ADAMTS17: variants seen among roughly 807,000 people sequenced by gnomAD.
ADAMTS17 encodes the protein A disintegrin and metalloproteinase with thrombospondin motifs 17.
In ADAMTS17, 113 loss-of-function variants were observed where a neutral mutation model predicts 141.5. That is an observed-to-expected ratio of 0.80 (90% CI 0.69 to 0.93). ADAMTS17 has a LOEUF of 0.93. ADAMTS17 is among the 40% of genes least tolerant of loss of function. The probability of loss-of-function intolerance (pLI) is 0.00; values close to 1 mark genes in which losing one functional copy is unlikely to be tolerated. For synonymous variants in ADAMTS17, 768 were observed against 630.6 expected (o/e 1.22, Z -3.27); for missense variants, 1,659 against 1,517.9 (o/e 1.09, Z -1.54).
intron 9 of ADAMTS17, 98 bp from the exon 10 acceptor site, chr15:100,152,860 A>T: frequency 2.7e-6 from 4 of 1,477,286 alleles, no homozygotes; most frequent in Admixed American, 2.1e-5. Flanking sequence ...CACTGAGAAG[A>T]GGGCACCTCC....
intron 3 of ADAMTS17, among the ~76,000 whole-genome samples, chr15:100,318,588 G>C (rs1008851565): frequency 2.6e-5 from 4 of 152,206 alleles, no homozygotes; most frequent in Admixed American, 6.5e-5. Flanking sequence ...CTGTAGAACT[G>C]TAAGAAATAA....
chr15:100,215,416 T>C (rs1216352399), intron 7 of ADAMTS17, among the ~76,000 whole-genome samples: 10 of 152,232 alleles, frequency 6.6e-5, no homozygotes, highest in Admixed American at 6.5e-4. Context: ...CCCATTGTCA[T>C]GGCAGAAGGA....
intron 15 of ADAMTS17, among the ~76,000 whole-genome samples, chr15:100,083,174 T>G (rs564412637): frequency 6.6e-6 from 1 of 152,208 alleles, no homozygotes; most frequent in South Asian, 2.1e-4. Flanking sequence ...AGGGCCTGGT[T>G]TGCCATACTC....
At chr15:100,191,176 A>G (rs2040903421) in intron 8 of ADAMTS17, among the ~76,000 whole-genome samples, 1 of 152,242 alleles carries the variant, frequency 6.6e-6, no homozygotes, top group Admixed American at 6.5e-5. Flanking sequence ...CTTGGATGAC[A>G]TTATTTTAGG....
chr15:100,273,611 AATTTTCT>A (rs1416665796), intron 4 of ADAMTS17, among the ~76,000 whole-genome samples: 1 of 152,056 alleles, frequency 6.6e-6, no homozygotes, highest in Non-Finnish European at 1.5e-5. Context: ...AAGGTTTGTC[AATTTTCT>A]TAATCTTTCC....
At chr15:100,011,456 G>GGAAA (rs2061179961) in intron 18 of ADAMTS17, among the ~76,000 whole-genome samples, 1 of 150,494 alleles carries the variant, frequency 6.6e-6, no homozygotes, top group Non-Finnish European at 1.5e-5. Flanking sequence ...AAGGAAGGAA[G>GGAAA]GAAAGGAGAG....
chr15:100,116,376 T>G (rs1468314477), intron 13 of ADAMTS17, among the ~76,000 whole-genome samples: 2 of 152,212 alleles, frequency 1.3e-5, no homozygotes, highest in Non-Finnish European at 2.9e-5. Context: ...AGTTGCAAAC[T>G]ATTCTCAAAA....
chr15:100,167,975 A>T (rs1327739063), intron 8 of ADAMTS17, among the ~76,000 whole-genome samples: 1 of 152,186 alleles, frequency 6.6e-6, no homozygotes, highest in African/African-American at 2.4e-5. Flanking sequence ...CCTGGCAAAA[A>T]AACCCAGATG....
intron 15 of ADAMTS17, among the ~76,000 whole-genome samples, chr15:100,090,471 T>C (rs1373789205): frequency 6.6e-6 from 1 of 152,216 alleles, no homozygotes; most frequent in Non-Finnish European, 1.5e-5. Context: ...GCAAGGTCCC[T>C]GTGCAGCTGA....
chr15:100,185,998 T>A (rs1023942688), intron 8 of ADAMTS17, among the ~76,000 whole-genome samples: 2 of 152,004 alleles, frequency 1.3e-5, no homozygotes, highest in African/African-American at 4.8e-5. Flanking sequence ...ACTCCACACC[T>A]ACGGGACGGT....
At chr15:100,146,422 C>T (rs3962507) in intron 10 of ADAMTS17, among the ~76,000 whole-genome samples, 44,664 of 152,090 alleles carry the variant, frequency 0.29, 7,061 homozygotes, top group African/African-American at 0.4. Flanking sequence ...CACTTATCAC[C>T]TCCCCAATCA....
At chr15:100,134,009 G>A (rs1439471838) in intron 10 of ADAMTS17, among the ~76,000 whole-genome samples, 1 of 152,200 alleles carries the variant, frequency 6.6e-6, no homozygotes, top group African/African-American at 2.4e-5. Flanking sequence ...ACTCCCAACT[G>A]TATCATTAGG....
At chr15:100,104,818 TAC>T (rs1323740131) in intron 14 of ADAMTS17, among the ~76,000 whole-genome samples, 2 of 152,246 alleles carry the variant, frequency 1.3e-5, no homozygotes, top group Non-Finnish European at 2.9e-5. Context: ...TTTCTTGCTA[TAC>T]ACATTCACAA....
At chr15:100,135,682 T>C (rs764148479) in intron 10 of ADAMTS17, among the ~76,000 whole-genome samples, 4 of 152,242 alleles carry the variant, frequency 2.6e-5, no homozygotes, top group Non-Finnish European at 4.4e-5. Flanking sequence ...AACAAAGTGT[T>C]TGTATCCAAA....
At chr15:100,323,775 A>C (rs375733053) in intron 3 of ADAMTS17, among the ~76,000 whole-genome samples, 2 of 152,342 alleles carry the variant, frequency 1.3e-5, no homozygotes, top group East Asian at 3.9e-4. Context: ...AGAAGACATG[A>C]CTGTGAGTGA....
At chr15:100,057,461 C>T (rs1470790922) in intron 15 of ADAMTS17, among the ~76,000 whole-genome samples, 3 of 152,304 alleles carry the variant, frequency 2.0e-5, no homozygotes, top group South Asian at 2.1e-4. Flanking sequence ...GCCACCAGCA[C>T]GGACCGGCTG....
chr15:100,165,358 C>A (rs2039906903), intron 8 of ADAMTS17, among the ~76,000 whole-genome samples: 1 of 152,192 alleles, frequency 6.6e-6, no homozygotes, highest in Admixed American at 6.5e-5. Context: ...GCACCATCAG[C>A]ACATAGGACA....
At chr15:100,067,205 C>T (rs1477753386) in intron 15 of ADAMTS17, among the ~76,000 whole-genome samples, 1 of 151,822 alleles carries the variant, frequency 6.6e-6, no homozygotes, top group Non-Finnish European at 1.5e-5. Context: ...CCACTGTCTT[C>T]CCTTATGATA....
At chr15:100,015,198 T>C (rs770683081) in intron 18 of ADAMTS17, among the ~76,000 whole-genome samples, 3 of 152,242 alleles carry the variant, frequency 2.0e-5, no homozygotes, top group Non-Finnish European at 4.4e-5. Context: ...TCACTTTTGC[T>C]GTCTATTTGC....
Sources: allele counts gnomAD v4.1 joint callset (sites outside exome capture counted in the v4.1 genomes callset), GRCh38; gene constraint gnomAD v4.1.1; transcripts MANE v1.5; gene names NCBI Gene and HGNC (gene_info 2026-07-23, HGNC 2026-07-21).